The following LARGE1 variants were observed in gnomAD, a reference collection of about 807,000 sequenced individuals.
LARGE1 encodes LARGE xylosyl- and glucuronyltransferase 1.
Under a neutral mutation model 87.6 loss-of-function variants are expected in LARGE1, and 43 were observed. That is an observed-to-expected ratio of 0.49 (90% CI 0.38 to 0.63). The LOEUF is 0.63. LARGE1 is among the 30% of genes least tolerant of loss of function. The pLI is 0.00. For missense variants in LARGE1, 802 were observed against 1,000.2 expected, an observed-to-expected ratio of 0.80 and a Z score of 2.67; for synonymous variants, 434 against 394.6, an observed-to-expected ratio of 1.10 and a Z score of -1.18.
the LARGE1 span, among the ~76,000 whole-genome samples, chr22:33,091,591 T>G: frequency 6.7e-6 from 1 of 149,302 alleles, no homozygotes; most frequent in East Asian, 2.1e-4. Context: ...AATAAATAAA[T>G]AAATAAAGAG....
intron 6 of LARGE1, among the ~76,000 whole-genome samples, chr22:33,513,944 T>C (rs1054843213): frequency 6.6e-6 from 1 of 152,112 alleles, no homozygotes; most frequent in African/African-American, 2.4e-5. Flanking sequence ...GTCCCTTTTC[T>C]ATGTTGAGAT....
At chr22:33,144,190 G>A in the LARGE1 span, among the ~76,000 whole-genome samples, 1 of 151,906 alleles carries the variant, frequency 6.6e-6, no homozygotes, top group Non-Finnish European at 1.5e-5. Flanking sequence ...CTGATTTCAT[G>A]CCCAAAAAAG....
chr22:33,298,184 T>C (rs749382931), intron 12 of LARGE1, among the ~76,000 whole-genome samples: 10 of 152,068 alleles, frequency 6.6e-5, no homozygotes, highest in Non-Finnish European at 1.0e-4. Flanking sequence ...CCTTATTAGT[T>C]TGAGCTCCTG....
At chr22:33,518,708 G>A (rs1373197075) in intron 6 of LARGE1, among the ~76,000 whole-genome samples, 1 of 152,140 alleles carries the variant, frequency 6.6e-6, no homozygotes, top group Admixed American at 6.5e-5. Flanking sequence ...GTTCTCCAAT[G>A]AGGCCCTCCC....
intron 5 of LARGE1, among the ~76,000 whole-genome samples, chr22:33,566,077 C>T (rs542495887): frequency 2.6e-5 from 1 of 38,736 alleles, no homozygotes; most frequent in Admixed American, 3.2e-4. Context: ...AAATATTGAT[C>T]TCCTTTGACC....
chr22:33,834,488 C>G (rs111822650), intron 1 of LARGE1, among the ~76,000 whole-genome samples: 2,838 of 152,262 alleles, frequency 0.019, 85 homozygotes, highest in African/African-American at 0.065. Context: ...TTGTGTCCCC[C>G]ACCCCTGCCA....
At chr22:33,477,849 G>C (rs927442049) in intron 6 of LARGE1, among the ~76,000 whole-genome samples, 2 of 152,116 alleles carry the variant, frequency 1.3e-5, no homozygotes, top group Admixed American at 1.3e-4. Context: ...CTTGGATAAA[G>C]GATCCCTGAC....
intron 11 of LARGE1, among the ~76,000 whole-genome samples, chr22:33,247,351 A>G (rs1926812340): frequency 6.6e-6 from 1 of 152,350 alleles, no homozygotes; most frequent in Middle Eastern, 3.4e-3. Flanking sequence ...TATAATATTC[A>G]GGACACAATA....
chr22:33,738,116 A>C (rs2083725542), intron 2 of LARGE1, among the ~76,000 whole-genome samples: 1 of 152,108 alleles, frequency 6.6e-6, no homozygotes, highest in Non-Finnish European at 1.5e-5. Context: ...AGGTAATCGA[A>C]TTTGGTTCTT....
intron 6 of LARGE1, among the ~76,000 whole-genome samples, chr22:33,463,772 A>C (rs1196416771): frequency 6.6e-6 from 1 of 152,116 alleles, no homozygotes; most frequent in Non-Finnish European, 1.5e-5. Flanking sequence ...TCCCAGGTTC[A>C]AGTGATTCTC....
At chr22:33,227,983 T>C (rs1925818158) in intron 11 of LARGE1, among the ~76,000 whole-genome samples, 1 of 152,250 alleles carries the variant, frequency 6.6e-6, no homozygotes, top group Non-Finnish European at 1.5e-5. Flanking sequence ...ACTGTAGTAA[T>C]GGTAATAATG....
chr22:33,389,310 C>T (rs761493787), intron 7 of LARGE1, among the ~76,000 whole-genome samples: 1 of 152,204 alleles, frequency 6.6e-6, no homozygotes, highest in Non-Finnish European at 1.5e-5. Flanking sequence ...TATGCCGTTT[C>T]CTACAGAGAA....
At chr22:33,624,917 G>A (rs2079874757) in intron 4 of LARGE1, among the ~76,000 whole-genome samples, 1 of 152,206 alleles carries the variant, frequency 6.6e-6, no homozygotes. Flanking sequence ...CTCAGAGGGA[G>A]AATCGCAAAG....
intron 3 of LARGE1, among the ~76,000 whole-genome samples, chr22:33,647,646 G>C (rs987707786): frequency 2.6e-5 from 4 of 152,152 alleles, no homozygotes; most frequent in African/African-American, 9.7e-5. Flanking sequence ...GTGTTAGTTG[G>C]GATTTTTGAT....
chr22:33,112,115 A>G, the LARGE1 span, among the ~76,000 whole-genome samples: 1 of 152,230 alleles, frequency 6.6e-6, no homozygotes, highest in Non-Finnish European at 1.5e-5. Flanking sequence ...TTAAAACTTT[A>G]CTGTGCCTGT....
intron 7 of LARGE1, among the ~76,000 whole-genome samples, chr22:33,421,110 A>G (rs998314762): frequency 3.9e-5 from 6 of 151,964 alleles, no homozygotes; most frequent in Admixed American, 2.0e-4. Flanking sequence ...AGTTGCTTGA[A>G]CCCAGGAGGT....
intron 6 of LARGE1, among the ~76,000 whole-genome samples, chr22:33,513,153 G>T (rs2071132232): frequency 6.6e-6 from 1 of 152,154 alleles, no homozygotes; most frequent in Non-Finnish European, 1.5e-5. Context: ...AGTGAGGAAT[G>T]TAAAAGAAAG....
At chr22:33,641,895 C>G (rs961301248) in intron 3 of LARGE1, among the ~76,000 whole-genome samples, 1 of 152,038 alleles carries the variant, frequency 6.6e-6, no homozygotes, top group African/African-American at 2.4e-5. Flanking sequence ...AAAGAACAAA[C>G]CTACATTTTA....
intron 1 of LARGE1, among the ~76,000 whole-genome samples, chr22:33,881,176 G>A (rs1196389974): frequency 6.6e-6 from 1 of 152,068 alleles, no homozygotes; most frequent in Non-Finnish European, 1.5e-5. Flanking sequence ...TTGTGTACCA[G>A]GTTTCCAGAA....
Sources: gnomAD v4.1 joint callset for allele counts (sites outside exome capture counted in the v4.1 genomes callset) on GRCh38, gnomAD v4.1.1 for gene constraint, MANE v1.5 for transcripts, NCBI Gene and HGNC (gene_info 2026-07-23, HGNC 2026-07-21) for gene names.